Variants in CCDC178 observed in about 807,000 individuals in gnomAD.
The protein encoded by CCDC178 is coiled-coil domain containing 178, also known as coiled-coil domain-containing protein 178.
Under a neutral mutation model 117.4 loss-of-function variants are expected in CCDC178, and 126 were observed. That is an observed-to-expected ratio of 1.07 (90% CI 0.93 to 1.24). The LOEUF (loss-of-function observed/expected upper bound fraction) is 1.24, where lower values mean the gene tolerates loss of function less well. CCDC178 is among the 50% of genes most tolerant of loss of function. The pLI, the probability that CCDC178 is intolerant of heterozygous loss-of-function variation, is 0.00. For synonymous variants in CCDC178, 283 were observed against 313.4 expected (o/e 0.90, Z 1.02); for missense variants, 1,030 against 986.9 (o/e 1.04, Z -0.59).
intron 5 of CCDC178, among the ~76,000 whole-genome samples, chr18:33,372,719 T>C (rs1315192708): frequency 6.6e-6 from 1 of 152,120 alleles, no homozygotes; most frequent in Non-Finnish European, 1.5e-5. Context: ...TATCAACTAG[T>C]TGTTTGTGTG....
At chr18:33,013,993 T>C (rs1449550119) in intron 21 of CCDC178, among the ~76,000 whole-genome samples, 1 of 152,208 alleles carries the variant, frequency 6.6e-6, no homozygotes, top group African/African-American at 2.4e-5. Context: ...GACAGAACTC[T>C]GAAAATTAAC....
At chr18:33,259,275 T>C (rs1051035305) in intron 14 of CCDC178, among the ~76,000 whole-genome samples, 1 of 152,228 alleles carries the variant, frequency 6.6e-6, no homozygotes, top group Non-Finnish European at 1.5e-5. Context: ...TAGTCACTAA[T>C]AGCTAAAATG....
At chr18:33,021,631 C>T (rs1358442391) in intron 21 of CCDC178, among the ~76,000 whole-genome samples, 1 of 152,214 alleles carries the variant, frequency 6.6e-6, no homozygotes, top group Non-Finnish European at 1.5e-5. Context: ...CATTCTTGAT[C>T]CAAGTTTCTT....
At position 33,310,253 on chromosome 18, in the gene CCDC178, G is replaced by C. The variant is rs114051096; in HGVS notation, c.1022+13238C>G. 6.2e-3 allele frequency among the ~76,000 whole-genome samples: 942 copies of C among 152,174 alleles called. 7 individuals carry two copies. The highest frequency in any genetic ancestry group is 0.022 in the African/African-American group (902 of 41,510). On this transcript the variant is annotated intron_variant, in intron 11 of 22. Transcript: ENST00000383096. ...GGATTACAGGTGTGCACCACGCCTG[G>C]ACAATGACTGGTTATTCTAAAAGAG...
intron 4 of CCDC178, among the ~76,000 whole-genome samples, chr18:33,390,404 C>G (rs2063549746): frequency 6.6e-6 from 1 of 151,956 alleles, no homozygotes; most frequent in Non-Finnish European, 1.5e-5. Context: ...TAACTTTATT[C>G]ATAACAGTGA....
intron 10 of CCDC178, among the ~76,000 whole-genome samples, chr18:33,328,934 A>G: frequency 6.6e-6 from 1 of 152,170 alleles, no homozygotes; most frequent in East Asian, 1.9e-4. Context: ...ATTCATGAAT[A>G]CAGGATGTCT....
chr18:33,291,173 G>A (rs142060291), intron 12 of CCDC178, among the ~76,000 whole-genome samples: 1 of 152,122 alleles, frequency 6.6e-6, no homozygotes, highest in East Asian at 1.9e-4. Flanking sequence ...AATCTCAGGG[G>A]TGGGAAAATT....
chr18:33,072,466 A>G (rs942380437), intron 21 of CCDC178, among the ~76,000 whole-genome samples: 3 of 152,160 alleles, frequency 2.0e-5, no homozygotes, highest in Non-Finnish European at 4.4e-5. Context: ...ATCTCATATA[A>G]TCTTCACAGT....
chr18:33,254,160 G>A (rs1020891659), intron 14 of CCDC178, among the ~76,000 whole-genome samples: 38 of 150,730 alleles, frequency 2.5e-4, no homozygotes, highest in Admixed American at 8.0e-4. Flanking sequence ...ATAGGAGGAC[G>A]GAGATACTGA....
intron 20 of CCDC178, among the ~76,000 whole-genome samples, chr18:33,129,546 C>T (rs1200705451): frequency 3.3e-5 from 5 of 151,736 alleles, no homozygotes; most frequent in Non-Finnish European, 7.4e-5. Context: ...TACTAAAGTC[C>T]TAAATAACTA....
At chr18:33,176,724 C>CT (rs2058668541) in intron 20 of CCDC178, among the ~76,000 whole-genome samples, 2 of 152,140 alleles carry the variant, frequency 1.3e-5, no homozygotes, top group Non-Finnish European at 2.9e-5. Flanking sequence ...CTTCAGTACA[C>CT]TTTTTGTTTC....
At chr18:33,379,624 G>C (rs2063414245) in intron 5 of CCDC178, among the ~76,000 whole-genome samples, 2 of 152,078 alleles carry the variant, frequency 1.3e-5, no homozygotes, top group South Asian at 4.1e-4. Context: ...CCTAGACAGG[G>C]AGCAGGAAAC....
intron 20 of CCDC178, among the ~76,000 whole-genome samples, chr18:33,111,209 A>G (rs2057776770): frequency 1.3e-5 from 2 of 151,570 alleles, no homozygotes; most frequent in Admixed American, 6.6e-5. Flanking sequence ...TGTGGCTAGT[A>G]TATGGAGATA....
intron 15 of CCDC178, among the ~76,000 whole-genome samples, chr18:33,230,135 A>G (rs921806419): frequency 6.6e-6 from 1 of 152,176 alleles, no homozygotes; most frequent in Non-Finnish European, 1.5e-5. Context: ...GAGAGAGAGA[A>G]AAACAGAATG....
At chr18:33,216,582 A>G (rs975609188) in intron 18 of CCDC178, among the ~76,000 whole-genome samples, 5 of 151,940 alleles carry the variant, frequency 3.3e-5, no homozygotes, top group Non-Finnish European at 7.4e-5. Context: ...ACTATCTTCT[A>G]TTTTCCCCAT....
intron 11 of CCDC178, among the ~76,000 whole-genome samples, chr18:33,317,411 C>G (rs2062435032): frequency 6.6e-6 from 1 of 152,194 alleles, no homozygotes; most frequent in Non-Finnish European, 1.5e-5. Context: ...GGAACAAACT[C>G]TGGACACGCC....
intron 7 of CCDC178, among the ~76,000 whole-genome samples, chr18:33,350,674 T>A (rs745940439): frequency 6.6e-6 from 1 of 152,222 alleles, no homozygotes. Context: ...TATTAATCCA[T>A]TGATGGATTT....
chr18:33,303,210 A>AT (rs2062202062), intron 11 of CCDC178, among the ~76,000 whole-genome samples: 1 of 152,210 alleles, frequency 6.6e-6, no homozygotes, highest in Non-Finnish European at 1.5e-5. Context: ...AATGTAATGC[A>AT]TTTTACTAAG....
intron 8 of CCDC178, 28 bp downstream of exon 8, chr18:33,348,848 TTTAAATATATACAG>T (rs1200244608): frequency 2.6e-5 from 32 of 1,253,378 alleles, no homozygotes; most frequent in Non-Finnish European, 3.6e-5. Flanking sequence ...TCAATGAACT[TTTAAATATATACAG>T]TTATTCAAGT....
Sources: allele counts gnomAD v4.1 joint callset (sites outside exome capture counted in the v4.1 genomes callset), GRCh38; gene constraint gnomAD v4.1.1; transcripts MANE v1.5; gene names NCBI Gene and HGNC (gene_info 2026-07-23, HGNC 2026-07-21).